Variants in CDKAL1 observed in about 807,000 individuals in gnomAD.
CDKAL1 encodes CDKAL1 threonylcarbamoyladenosine tRNA methylthiotransferase, also known as threonylcarbamoyladenosine tRNA methylthiotransferase.
Under a neutral mutation model 68.2 loss-of-function variants are expected in CDKAL1, and 32 were observed. That is an observed-to-expected ratio of 0.47 (90% CI 0.35 to 0.63). The LOEUF (loss-of-function observed/expected upper bound fraction) is 0.63. Among genes scored for constraint, CDKAL1 ranks in the 30% least tolerant of loss-of-function variants. CDKAL1 has a pLI of 0.00. For missense variants in CDKAL1, 606 were observed against 696.7 expected, an observed-to-expected ratio of 0.87 and a Z score of 1.47; for synonymous variants, 234 against 244.3, an observed-to-expected ratio of 0.96 and a Z score of 0.39.
At chr6:20,978,393 C>T (rs1765952460) in intron 10 of CDKAL1, among the ~76,000 whole-genome samples, 1 of 152,180 alleles carries the variant, frequency 6.6e-6, no homozygotes, top group Non-Finnish European at 1.5e-5. Context: ...GTAGACGTTT[C>T]CTTTCACAGT....
At chr6:20,699,904 A>G (rs1771264930) in intron 5 of CDKAL1, among the ~76,000 whole-genome samples, 1 of 152,220 alleles carries the variant, frequency 6.6e-6, no homozygotes, top group Non-Finnish European at 1.5e-5. Flanking sequence ...ACTAAATTGT[A>G]GCAGTAGTGA....
chr6:20,974,402 A>T (rs1431426568), intron 10 of CDKAL1, among the ~76,000 whole-genome samples: 1 of 152,210 alleles, frequency 6.6e-6, no homozygotes, highest in African/African-American at 2.4e-5. Context: ...ATTACTGAAG[A>T]AGAGAGAAGG....
intron 9 of CDKAL1, among the ~76,000 whole-genome samples, chr6:20,943,006 G>A (rs1764059962): frequency 2.0e-5 from 3 of 147,542 alleles, no homozygotes; most frequent in Non-Finnish European, 4.5e-5. Context: ...CCACATGTTT[G>A]CCATTTCTGG....
chr6:20,718,320 C>T (rs900734808), intron 5 of CDKAL1, among the ~76,000 whole-genome samples: 1 of 152,172 alleles, frequency 6.6e-6, no homozygotes, highest in Non-Finnish European at 1.5e-5. Flanking sequence ...AAAGCCTAAA[C>T]AGTACAAAAA....
chr6:21,131,655 A>G (rs1448630929), intron 13 of CDKAL1, among the ~76,000 whole-genome samples: 1 of 152,190 alleles, frequency 6.6e-6, no homozygotes, highest in Non-Finnish European at 1.5e-5. Context: ...TAACATTCCT[A>G]ACACTAGAAA....
intron 4 of CDKAL1, among the ~76,000 whole-genome samples, chr6:20,595,737 T>C (rs1458457215): frequency 6.6e-6 from 1 of 152,022 alleles, no homozygotes; most frequent in African/African-American, 2.4e-5. Flanking sequence ...TTGTGATCCT[T>C]TGGAGAAGAG....
At chr6:20,660,741 A>T (rs1053900366) in intron 5 of CDKAL1, among the ~76,000 whole-genome samples, 1 of 152,192 alleles carries the variant, frequency 6.6e-6, no homozygotes, top group Non-Finnish European at 1.5e-5. Context: ...TACTCAATAC[A>T]TGTTTGTATA....
intron 9 of CDKAL1, among the ~76,000 whole-genome samples, chr6:20,895,703 T>C (rs1761643875): frequency 1.3e-5 from 2 of 152,308 alleles, no homozygotes; most frequent in South Asian, 4.1e-4. Flanking sequence ...TCCATCTCTT[T>C]AGCATGGTTA....
At chr6:20,829,942 C>T (rs1367180488) in intron 8 of CDKAL1, among the ~76,000 whole-genome samples, 2 of 152,178 alleles carry the variant, frequency 1.3e-5, no homozygotes, top group Non-Finnish European at 1.5e-5. Context: ...CTGTAACCTC[C>T]GCCTCCTGGG....
In CDKAL1 at chr6:21,135,828, G is replaced by C. The variant is rs753411481; in HGVS notation, c.1299+27365G>C. 4.1e-5 allele frequency: 12 copies of C among 294,012 alleles called. No individual in the cohort carries two copies. The Admixed American group carries it at 4.5e-4, about 11-fold the overall frequency. The allele number at this position is 294,012 out of a possible 1,614,324, so 18.2% of individuals were successfully genotyped here. On this transcript the variant is annotated intron_variant, in intron 13 of 15. Transcript: ENST00000274695. ...CCATTGGAGAACGGGTGCCATCCAGGGGGGAGGCATGAACAGATGGATAAG... is the reference window on the plus strand; with the variant it reads ...CCATTGGAGAACGGGTGCCATCCAGCGGGGAGGCATGAACAGATGGATAAG...
At chr6:21,089,086 G>T (rs1772855445) in intron 12 of CDKAL1, among the ~76,000 whole-genome samples, 1 of 152,180 alleles carries the variant, frequency 6.6e-6, no homozygotes, top group East Asian at 1.9e-4. Flanking sequence ...TACTTCCCTT[G>T]ATTTTTAAAG....
intron 9 of CDKAL1, among the ~76,000 whole-genome samples, chr6:20,903,327 G>A (rs1484026248): frequency 6.6e-6 from 1 of 152,156 alleles, no homozygotes; most frequent in African/African-American, 2.4e-5. Context: ...ATTTGGAGAT[G>A]TGTTCTTGAA....
At position 20,564,474 on chromosome 6, in the gene CDKAL1, TA is replaced by T. The variant is rs569066546; in HGVS notation, c.286+15770del. On this transcript the variant is annotated intron_variant, in intron 4 of 15. Coordinates refer to ENST00000274695, the MANE Select transcript of CDKAL1 (RefSeq NM_017774.3). ...ATCTACAAATGTTTTAAATTGAGGT[TA>T]TTTTTTTACATTTAATTTTCTGTTT... Among the ~76,000 whole-genome samples the T allele has an allele frequency of 4.2e-4, 64 of 152,356 alleles. 2 individuals carry two copies. The South Asian group carries it at 5.8e-3, about 14-fold the overall frequency.
chr6:20,955,407 T>G lies in CDKAL1; in HGVS notation c.743-12T>G, dbSNP rs758770971. 1 of 1,613,746 alleles carries G rather than the reference T, an allele frequency of 6.2e-7. No homozygotes were observed. The highest frequency in any genetic ancestry group is 1.7e-5 in the Admixed American group (1 of 59,988). On this transcript the variant is annotated splice_polypyrimidine_tract_variant and intron_variant, in intron 9 of 15. Coordinates refer to ENST00000274695, the MANE Select transcript of CDKAL1 (RefSeq NM_017774.3). ...TGCCACAGATTTGTTAATTATCTCTTTTGATTCACAGAGGGTGTTTGTGAG... is the reference window on the plus strand; with the variant it reads ...TGCCACAGATTTGTTAATTATCTCTGTTGATTCACAGAGGGTGTTTGTGAG...
chr6:20,599,398 G>A (rs572905758), intron 4 of CDKAL1: 59 of 451,766 alleles, frequency 1.3e-4, no homozygotes, highest in South Asian at 8.5e-4. Flanking sequence ...CGTTTGCTTC[G>A]TCTTCAAAGT....
At chr6:21,047,730 T>A (rs1770322406) in intron 11 of CDKAL1, among the ~76,000 whole-genome samples, 1 of 152,160 alleles carries the variant, frequency 6.6e-6, no homozygotes, top group African/African-American at 2.4e-5. Flanking sequence ...AGGAAGATCA[T>A]AACAGGGACA....
rs1779987730 is a variant in CDKAL1 at position 21,231,873 on chromosome 6, C to T, written c.*834C>T. The T allele has an allele frequency of 6.6e-6, 1 of 152,100 alleles. No individual in the cohort carries two copies. The highest frequency in any genetic ancestry group is 1.5e-5 in the Non-Finnish European group (1 of 68,034). 9.4% of individuals were successfully genotyped at this position (152,100 alleles called of 1,614,324 possible). A position where few individuals can be genotyped will look rare whatever the true frequency, so the allele number is the denominator to read the frequency against. ...TGGGAACCTGAATGCTTTTGGAATG[C>T]ACGGGGAGAGTCTGCCAGCTAAAGG... is the stretch of plus-strand genomic sequence containing the variant. On this transcript the variant is annotated 3_prime_UTR_variant, in exon 16 of 16. Coordinates refer to ENST00000274695, the MANE Select transcript of CDKAL1 (RefSeq NM_017774.3).
intron 13 of CDKAL1, among the ~76,000 whole-genome samples, chr6:21,113,380 C>T (rs1391364580): frequency 6.6e-6 from 1 of 152,102 alleles, no homozygotes; most frequent in African/African-American, 2.4e-5. Context: ...AACATGGTGG[C>T]TCATGCCTAT....
At chr6:21,082,993 C>A (rs1215962474) in intron 12 of CDKAL1, among the ~76,000 whole-genome samples, 1 of 151,444 alleles carries the variant, frequency 6.6e-6, no homozygotes, top group East Asian at 1.9e-4. Flanking sequence ...CCCACCTCAG[C>A]CTCCCAAGTA....
Sources: allele counts gnomAD v4.1 joint callset (sites outside exome capture counted in the v4.1 genomes callset), GRCh38; gene constraint gnomAD v4.1.1; transcripts MANE v1.5; gene names NCBI Gene and HGNC (gene_info 2026-07-23, HGNC 2026-07-21).